GULP1: variants seen among roughly 807,000 people sequenced by gnomAD.
The protein encoded by GULP1 is PTB domain-containing engulfment adapter protein 1.
In GULP1, 19 loss-of-function variants were observed where a neutral mutation model predicts 40.9. The observed-to-expected ratio is 0.46, with a 90% CI of 0.32 to 0.68. The LOEUF (loss-of-function observed/expected upper bound fraction) is 0.68, where lower values mean the gene tolerates loss of function less well. Ranked by LOEUF, GULP1 falls within the 30% of genes least tolerant of loss-of-function variation. The probability of loss-of-function intolerance (pLI) is 0.03; values close to 1 mark genes in which losing one functional copy is unlikely to be tolerated. For synonymous variants in GULP1, 119 were observed against 117.6 expected (o/e 1.01, Z -0.08); for missense variants, 312 against 362.2 (o/e 0.86, Z 1.12).
In GULP1 at chr2:188,450,199, A is replaced by G. The variant is rs541183932; in HGVS notation, c.-44-27460A>G. The stretch of plus-strand genomic sequence containing the variant: ...TTTCTGGCACTGTGCCAGGTCATTT[A>G]GGCTTTACAGAACATGATGAAAATA... On this transcript the variant is annotated intron_variant, in intron 2 of 11. Transcript: ENST00000409830. Among the ~76,000 whole-genome samples the G allele has an allele frequency of 5.9e-5, 9 of 152,320 alleles. No individual in the cohort carries two copies. The South Asian group carries it at 1.9e-3, about 32-fold the overall frequency.
chr2:188,448,860 C>A (rs571135808), intron 2 of GULP1, among the ~76,000 whole-genome samples: 1 of 152,114 alleles, frequency 6.6e-6, no homozygotes, highest in African/African-American at 2.4e-5. Context: ...TGGCAACACC[C>A]CTCCCCTTTT....
At chr2:188,553,488 A>G (rs7595716) in intron 7 of GULP1, among the ~76,000 whole-genome samples, 151,656 of 152,152 alleles carry the variant, frequency 1, 75,585 homozygotes, top group East Asian at 1. Flanking sequence ...ATGTTGAACC[A>G]TCCACGCATC....
intron 1 of GULP1, among the ~76,000 whole-genome samples, chr2:188,349,622 G>A (rs1393548357): frequency 1.3e-5 from 2 of 152,152 alleles, no homozygotes; most frequent in African/African-American, 2.4e-5. Flanking sequence ...TCTATCAGAT[G>A]TATGATTTGC....
intron 1 of GULP1, among the ~76,000 whole-genome samples, chr2:188,330,054 T>C (rs2041348793): frequency 6.6e-6 from 1 of 152,006 alleles, no homozygotes; most frequent in Non-Finnish European, 1.5e-5. Context: ...AATTGAGGAG[T>C]CGTCATCATA....
intron 1 of GULP1, among the ~76,000 whole-genome samples, chr2:188,375,865 G>A (rs2048227409): frequency 6.6e-6 from 1 of 152,092 alleles, no homozygotes; most frequent in Non-Finnish European, 1.5e-5. Context: ...GGGTTTTACA[G>A]ATATGTTCAC....
chr2:188,557,878 C>G (rs958922719), intron 7 of GULP1, among the ~76,000 whole-genome samples: 6 of 152,192 alleles, frequency 3.9e-5, no homozygotes, highest in Non-Finnish European at 8.8e-5. Context: ...GTACCTGGGC[C>G]TCTTTGAGCC....
intron 2 of GULP1, among the ~76,000 whole-genome samples, chr2:188,447,208 T>C (rs2152899157): frequency 6.6e-6 from 1 of 152,328 alleles, no homozygotes; most frequent in Middle Eastern, 3.4e-3. Flanking sequence ...AGTTTTATGA[T>C]GCAGATGAAG....
intron 7 of GULP1, among the ~76,000 whole-genome samples, chr2:188,548,827 G>GGTTTTGTTTTGTTTT (rs146982832): frequency 0.011 from 1,612 of 149,566 alleles, 10 homozygotes; most frequent in African/African-American, 0.023. Flanking sequence ...GGGGAAAGAA[G>GGTTTTGTTTTGTTTT]GTTTTGTTTT....
intron 9 of GULP1, among the ~76,000 whole-genome samples, chr2:188,571,659 A>G (rs1323079751): frequency 6.6e-6 from 1 of 152,190 alleles, no homozygotes; most frequent in Non-Finnish European, 1.5e-5. Flanking sequence ...GGGACAGAAC[A>G]TCAGTTCAAA....
chr2:188,360,711 C>T (rs893681144), intron 1 of GULP1, among the ~76,000 whole-genome samples: 4 of 152,050 alleles, frequency 2.6e-5, no homozygotes, highest in African/African-American at 9.7e-5. Flanking sequence ...TAAATGGAAA[C>T]CATTTGGCTG....
At chr2:188,344,459 T>C (rs1403234417) in intron 1 of GULP1, among the ~76,000 whole-genome samples, 1 of 152,174 alleles carries the variant, frequency 6.6e-6, no homozygotes, top group African/African-American at 2.4e-5. Context: ...AAAGCTCACA[T>C]AAAATTCGAG....
intron 6 of GULP1, among the ~76,000 whole-genome samples, chr2:188,536,562 C>G (rs1688980270): frequency 6.6e-6 from 1 of 151,994 alleles, no homozygotes; most frequent in Non-Finnish European, 1.5e-5. Flanking sequence ...GTTTTTGTAC[C>G]AGTACCATGC....
At chr2:188,372,383 C>A (rs913619460) in intron 1 of GULP1, among the ~76,000 whole-genome samples, 1 of 152,006 alleles carries the variant, frequency 6.6e-6, no homozygotes, top group Non-Finnish European at 1.5e-5. Flanking sequence ...TATTACATAA[C>A]CTGTTTCTTA....
chr2:188,468,711 A>G (rs1474721840), intron 2 of GULP1, among the ~76,000 whole-genome samples: 1 of 152,180 alleles, frequency 6.6e-6, no homozygotes, highest in Non-Finnish European at 1.5e-5. Flanking sequence ...GTTCAGTGAA[A>G]TAGATTGGGG....
chr2:188,295,275 A>C (rs2034664630), intron 1 of GULP1, among the ~76,000 whole-genome samples: 1 of 152,172 alleles, frequency 6.6e-6, no homozygotes, highest in Non-Finnish European at 1.5e-5. Flanking sequence ...CAATTTCCTT[A>C]AGAATTTGGA....
At chr2:188,467,304 C>T (rs2060208808) in intron 2 of GULP1, among the ~76,000 whole-genome samples, 1 of 152,134 alleles carries the variant, frequency 6.6e-6, no homozygotes. Flanking sequence ...CATATTTTCT[C>T]TCTGCCTGTA....
chr2:188,495,226 G>A (rs2062788871), intron 4 of GULP1, among the ~76,000 whole-genome samples: 1 of 152,016 alleles, frequency 6.6e-6, no homozygotes, highest in African/African-American at 2.4e-5. Flanking sequence ...ATGTAAAGAG[G>A]GAACTCAAGC....
At chr2:188,406,570 G>A (rs749020801) in intron 2 of GULP1, among the ~76,000 whole-genome samples, 3 of 151,808 alleles carry the variant, frequency 2.0e-5, no homozygotes, top group Non-Finnish European at 4.4e-5. Context: ...TACAATTAAT[G>A]AAATAAAAAA....
intron 4 of GULP1, among the ~76,000 whole-genome samples, chr2:188,498,839 A>G (rs1002645171): frequency 6.6e-6 from 1 of 151,764 alleles, no homozygotes; most frequent in Admixed American, 6.6e-5. Flanking sequence ...ATGAATATGT[A>G]CAATTATTAT....
Sources: allele counts gnomAD v4.1 joint callset (sites outside exome capture counted in the v4.1 genomes callset), GRCh38; gene constraint gnomAD v4.1.1; transcripts MANE v1.5; gene names NCBI Gene and HGNC (gene_info 2026-07-23, HGNC 2026-07-21).